ARHGEF9: variants seen among roughly 807,000 people sequenced by gnomAD.
ARHGEF9 encodes rho guanine nucleotide exchange factor 9.
Under a neutral mutation model 41.3 loss-of-function variants are expected in ARHGEF9, and 2 were observed. The observed-to-expected ratio is 0.05, with a 90% CI of 0.02 to 0.15. The LOEUF (loss-of-function observed/expected upper bound fraction) is 0.15. Ranked by LOEUF, ARHGEF9 falls within the 10% of genes least tolerant of loss-of-function variation. ARHGEF9 has a pLI of 1.00. For synonymous variants in ARHGEF9, 160 were observed against 154.4 expected, an observed-to-expected ratio of 1.04 and a Z score of -0.27; for missense variants, 225 against 424.7, an observed-to-expected ratio of 0.53 and a Z score of 4.13.
chrX:63,724,392 T>G, intron 2 of ARHGEF9, 140 bp downstream of exon 2: 1 of 653,797 alleles, frequency 1.5e-6, no homozygotes, highest in Non-Finnish European at 2.3e-6. Flanking sequence ...GTTCTCTGTA[T>G]GAGACAATTT....
chrX:63,741,789 T>C (rs781826953), intron 1 of ARHGEF9, among the ~76,000 whole-genome samples: 2 of 112,650 alleles, frequency 1.8e-5, no homozygotes, highest in Non-Finnish European at 3.8e-5. Flanking sequence ...GTGCTGAGAA[T>C]GTGCAAGTGT....
intron 1 of ARHGEF9, among the ~76,000 whole-genome samples, chrX:63,774,252 G>A (rs782018949): frequency 3.6e-5 from 4 of 111,368 alleles, no homozygotes; most frequent in African/African-American, 1.3e-4. Context: ...GTGGAGGCAG[G>A]ACTCAAACCC....
intron 4 of ARHGEF9, among the ~76,000 whole-genome samples, chrX:63,685,640 G>A (rs1375543474): frequency 8.9e-6 from 1 of 111,909 alleles, no homozygotes; most frequent in Non-Finnish European, 1.9e-5. Flanking sequence ...TAGAACAGAA[G>A]AGTATACCTA....
intron 5 of ARHGEF9, among the ~76,000 whole-genome samples, chrX:63,676,569 C>T (rs2050273507): frequency 8.9e-6 from 1 of 112,208 alleles, no homozygotes; most frequent in South Asian, 3.7e-4. Flanking sequence ...CGAAGTTTCT[C>T]CTTGGCAAGA....
At chrX:63,644,444 T>C (rs2047858945) in intron 8 of ARHGEF9, among the ~76,000 whole-genome samples, 4 of 110,416 alleles carry the variant, frequency 3.6e-5, no homozygotes, top group Admixed American at 9.7e-5. Context: ...TATATATAGA[T>C]TATAAAAGTT....
At chrX:63,673,659 G>A (rs1556358286) in intron 6 of ARHGEF9, among the ~76,000 whole-genome samples, 1 of 110,880 alleles carries the variant, frequency 9.0e-6, no homozygotes, top group African/African-American at 3.3e-5. Context: ...GTTGGGAACA[G>A]GAGAACCAAC....
At chrX:63,693,675 A>G (rs2051522324) in intron 4 of ARHGEF9, among the ~76,000 whole-genome samples, 1 of 109,575 alleles carries the variant, frequency 9.1e-6, no homozygotes, top group Non-Finnish European at 1.9e-5. Context: ...AATTTTTAAT[A>G]AAAGAACTCT....
At chrX:63,693,104 A>G (rs782062263) in intron 4 of ARHGEF9, among the ~76,000 whole-genome samples, 11 of 111,933 alleles carry the variant, frequency 9.8e-5, no homozygotes, top group Non-Finnish European at 1.9e-4. Flanking sequence ...TAATGGGTAT[A>G]AAACTACAGT....
At chrX:63,770,933 G>C (rs1556454442) in intron 1 of ARHGEF9, among the ~76,000 whole-genome samples, 1 of 112,491 alleles carries the variant, frequency 8.9e-6, no homozygotes, top group African/African-American at 3.2e-5. Flanking sequence ...AAATTGCCCA[G>C]TCTCAGGTAT....
intron 1 of ARHGEF9, among the ~76,000 whole-genome samples, chrX:63,747,154 T>G (rs1336046844): frequency 1.8e-5 from 2 of 112,319 alleles, no homozygotes; most frequent in African/African-American, 6.5e-5. Context: ...TTGTTGGAGC[T>G]AGAAGAAATC....
chrX:63,774,594 CTTGAT>C (rs782490683), intron 1 of ARHGEF9, among the ~76,000 whole-genome samples: 1 of 111,563 alleles, frequency 9.0e-6, no homozygotes, highest in East Asian at 2.8e-4. Context: ...CCTTTAATGC[CTTGAT>C]TCTTTATCTT....
In ARHGEF9 at chrX:63,638,021, G is replaced by C. The variant is rs202232026; in HGVS notation, c.*7C>G. The stretch of plus-strand genomic sequence containing the variant: ...TTATTTTAAAATTATCTGCCTCCCT[G>C]TAGGTATCATTTTTTGAAGGGGGTT... On this transcript the variant is annotated 3_prime_UTR_variant, in exon 10 of 10. Transcript: ENST00000671741. 352 of 1,203,372 alleles carry C rather than the reference G, an allele frequency of 2.9e-4. No individual in the cohort carries two copies. Among genetic ancestry groups the C allele is most frequent in the Admixed American group, 9.8e-4 (44 of 45,101 alleles).
chrX:63,713,745 G>A (rs1556408417), intron 2 of ARHGEF9, among the ~76,000 whole-genome samples: 1 of 106,914 alleles, frequency 9.4e-6, no homozygotes. Flanking sequence ...CAGTTTTGGA[G>A]CCCCAGTCTC....
intron 7 of ARHGEF9, among the ~76,000 whole-genome samples, chrX:63,664,199 T>C (rs1232756910): frequency 8.9e-6 from 1 of 112,430 alleles, no homozygotes; most frequent in Admixed American, 9.4e-5. Flanking sequence ...GGCTCATTAC[T>C]CCATCTTGGT....
At chrX:63,765,789 C>T (rs2056103983) in intron 1 of ARHGEF9, among the ~76,000 whole-genome samples, 1 of 111,862 alleles carries the variant, frequency 8.9e-6, no homozygotes. Flanking sequence ...CCTGAGTTTC[C>T]CATCCTCCCG....
At chrX:63,768,431 G>T (rs1556452853) in intron 1 of ARHGEF9, among the ~76,000 whole-genome samples, 1 of 112,308 alleles carries the variant, frequency 8.9e-6, no homozygotes, top group Non-Finnish European at 1.9e-5. Flanking sequence ...GAATTGTGCT[G>T]TGATAAACAT....
intron 8 of ARHGEF9, among the ~76,000 whole-genome samples, chrX:63,644,568 T>G (rs2047867972): frequency 9.1e-6 from 1 of 109,747 alleles, no homozygotes; most frequent in Non-Finnish European, 1.9e-5. Flanking sequence ...TCTTGCTAAG[T>G]CCCAGGCAGG....
chrX:63,658,091 G>A (rs1556338082), intron 7 of ARHGEF9: 2 of 111,940 alleles, frequency 1.8e-5, no homozygotes, highest in South Asian at 3.7e-4. Context: ...GAAAGAATAT[G>A]CATGATCTTG....
intron 3 of ARHGEF9, among the ~76,000 whole-genome samples, chrX:63,700,202 T>C (rs2052057042): frequency 8.9e-6 from 1 of 112,110 alleles, no homozygotes. Flanking sequence ...AGATGTAAAC[T>C]GCCCTTATCA....
Sources: allele counts gnomAD v4.1 joint callset (sites outside exome capture counted in the v4.1 genomes callset), GRCh38; gene constraint gnomAD v4.1.1; transcripts MANE v1.5; gene names NCBI Gene and HGNC (gene_info 2026-07-23, HGNC 2026-07-21).